LPIN2: variants seen among roughly 807,000 people sequenced by gnomAD.
LPIN2 encodes phosphatidate phosphatase LPIN2.
Under a neutral mutation model 111.4 loss-of-function variants are expected in LPIN2, and 55 were observed. The observed-to-expected ratio is 0.49, with a 90% CI of 0.40 to 0.62. The LOEUF is 0.62. LPIN2 is among the 20% of genes least tolerant of loss of function. The probability of loss-of-function intolerance (pLI) is 0.00; values close to 1 mark genes in which losing one functional copy is unlikely to be tolerated. For missense variants in LPIN2, 992 were observed against 1,112.1 expected (o/e 0.89, Z 1.54); for synonymous variants, 425 against 414.0 (o/e 1.03, Z -0.32).
chr18:3,012,627 C>A (rs1405110770), intron 1 of LPIN2, among the ~76,000 whole-genome samples: 1 of 152,198 alleles, frequency 6.6e-6, no homozygotes, highest in African/African-American at 2.4e-5. Flanking sequence ...GATCACGTGC[C>A]CGGCGCCCCC....
chr18:2,927,908 G>GT, intron 11 of LPIN2, 97 bp from the exon 12 acceptor site: 2 of 983,274 alleles, frequency 2.0e-6, no homozygotes, highest in South Asian at 2.6e-5. Flanking sequence ...ACTATGGAAT[G>GT]TGAGAACGTG....
chr18:3,004,004 G>A (rs2143485725), intron 1 of LPIN2, among the ~76,000 whole-genome samples: 1 of 148,982 alleles, frequency 6.7e-6, no homozygotes, highest in Middle Eastern at 3.4e-3. Context: ...GCCGCTCTGG[G>A]ATTGTCTTAT....
At chr18:2,962,947 T>C (rs986820223) in intron 1 of LPIN2, among the ~76,000 whole-genome samples, 4 of 152,238 alleles carry the variant, frequency 2.6e-5, no homozygotes, top group African/African-American at 9.6e-5. Context: ...AACTACAGCA[T>C]AAAATTCATA....
intron 4 of LPIN2, 118 bp from the exon 5 acceptor site, chr18:2,940,830 ACTCT>A (rs945280781): frequency 7.1e-6 from 5 of 700,928 alleles, no homozygotes; most frequent in Non-Finnish European, 1.3e-5. Context: ...ATGATTACTA[ACTCT>A]CTCTAAAATA....
At chr18:2,931,186 G>C in intron 9 of LPIN2, 70 bp downstream of exon 9, 2 of 1,515,292 alleles carry the variant, frequency 1.3e-6, no homozygotes, top group South Asian at 2.3e-5. Flanking sequence ...ATGGCTACAC[G>C]GTAAGTTTTA....
At chr18:2,945,306 C>A (rs1322441544) in intron 4 of LPIN2, among the ~76,000 whole-genome samples, 1 of 152,166 alleles carries the variant, frequency 6.6e-6, no homozygotes, top group African/African-American at 2.4e-5. Context: ...TCTTCAAGTA[C>A]AGGACACAAC....
chr18:2,986,568 G>C (rs1354916733), intron 1 of LPIN2, among the ~76,000 whole-genome samples: 1 of 107,494 alleles, frequency 9.3e-6, no homozygotes, highest in Admixed American at 9.6e-5. Context: ...AAAAAAGAAA[G>C]ACTAACTGGC....
chr18:3,009,156 T>C (rs1244562989), intron 1 of LPIN2, among the ~76,000 whole-genome samples: 2 of 151,888 alleles, frequency 1.3e-5, no homozygotes, highest in African/African-American at 4.8e-5. Context: ...TCCCAGCACT[T>C]TGGGAGGCCA....
intron 14 of LPIN2, among the ~76,000 whole-genome samples, chr18:2,924,747 GGGAC>G (rs1440867481): frequency 6.6e-6 from 1 of 152,168 alleles, no homozygotes; most frequent in Non-Finnish European, 1.5e-5. Flanking sequence ...TGGGGTTCCA[GGGAC>G]TTCTCTGAAC....
chr18:2,942,993 C>T (rs2077386882), intron 4 of LPIN2, among the ~76,000 whole-genome samples: 1 of 152,200 alleles, frequency 6.6e-6, no homozygotes, highest in South Asian at 2.1e-4. Flanking sequence ...GGCTGAGGTT[C>T]ACAGCCAGTG....
At chr18:3,007,575 C>T (rs180742680) in intron 1 of LPIN2, among the ~76,000 whole-genome samples, 21 of 152,318 alleles carry the variant, frequency 1.4e-4, no homozygotes, top group African/African-American at 3.8e-4. Context: ...ATAACACAGC[C>T]TCCTAAAACA....
chr18:2,999,973 A>C (rs1418648221), intron 1 of LPIN2, among the ~76,000 whole-genome samples: 6 of 151,944 alleles, frequency 3.9e-5, no homozygotes, highest in Non-Finnish European at 8.8e-5. Flanking sequence ...AGGATCACTT[A>C]AGGCTGGAAG....
chr18:2,970,445 T>C (rs879790348), intron 1 of LPIN2, among the ~76,000 whole-genome samples: 1 of 152,240 alleles, frequency 6.6e-6, no homozygotes, highest in African/African-American at 2.4e-5. Context: ...TGAGATGGGA[T>C]GCAGAAGGCC....
intron 1 of LPIN2, among the ~76,000 whole-genome samples, chr18:2,982,120 G>A (rs901764054): frequency 6.6e-6 from 1 of 152,082 alleles, no homozygotes; most frequent in African/African-American, 2.4e-5. Context: ...GATTAAAGAA[G>A]TTCATACAAT....
intron 1 of LPIN2, among the ~76,000 whole-genome samples, chr18:2,980,656 A>T (rs2078095215): frequency 6.6e-6 from 1 of 152,178 alleles, no homozygotes; most frequent in African/African-American, 2.4e-5. Flanking sequence ...GAATTGAGGG[A>T]CACTGCCCTC....
rs377520669 is a variant in LPIN2 at position 2,954,963 on chromosome 18, G to T, written c.193-364C>A. Among the ~76,000 whole-genome samples the T allele has an allele frequency of 4.6e-5, 7 of 152,266 alleles. No individual in the cohort carries two copies. The East Asian group carries it at 1.2e-3, about 25-fold the overall frequency. Reference sequence around the variant, plus strand: ...CCTCACACGGTTCAGATACACACAAGTTTCAGGAACCTCAGTATGTGAGCT... The same window carrying T: ...CCTCACACGGTTCAGATACACACAATTTTCAGGAACCTCAGTATGTGAGCT... On this transcript the variant is annotated intron_variant, in intron 2 of 19. Transcript: ENST00000677752.
chr18:2,966,597 T>G (rs1396846762), intron 1 of LPIN2, among the ~76,000 whole-genome samples: 1 of 152,196 alleles, frequency 6.6e-6, no homozygotes, highest in Non-Finnish European at 1.5e-5. Flanking sequence ...GTAAACATGA[T>G]AAAAGCCTTC....
Position 2,993,238 on chromosome 18 carries a change from T to C in LPIN2, c.-10+19849A>G, listed in dbSNP as rs182088698. Among the ~76,000 whole-genome samples the C allele has an allele frequency of 1.4e-4, 22 of 151,838 alleles. No homozygotes were observed. In the East Asian group the frequency reaches 4.3e-3, roughly 29 times the overall value. ...AAGAAGAAAGAAGAAAGAAAAAAGG[T>C]AGGAGAAGAAAAATAGGAATTAAAA... On this transcript the variant is annotated intron_variant, in intron 1 of 19. Transcript: ENST00000677752.
chr18:2,994,245 GTTT>G (rs1598607033), intron 1 of LPIN2, among the ~76,000 whole-genome samples: 1 of 152,220 alleles, frequency 6.6e-6, no homozygotes. Flanking sequence ...GGCAGTAAGT[GTTT>G]TTCTTCTTCA....
Sources: allele counts gnomAD v4.1 joint callset (sites outside exome capture counted in the v4.1 genomes callset), GRCh38; gene constraint gnomAD v4.1.1; transcripts MANE v1.5; gene names NCBI Gene and HGNC (gene_info 2026-07-23, HGNC 2026-07-21).